DYNC2H1: variants seen among roughly 807,000 people sequenced by gnomAD.
DYNC2H1 encodes the protein cytoplasmic dynein 2 heavy chain 1.
In DYNC2H1, 410 loss-of-function variants were observed where a neutral mutation model predicts 570.0. That is an observed-to-expected ratio of 0.72 (90% CI 0.66 to 0.78). The LOEUF (loss-of-function observed/expected upper bound fraction) is 0.78, where lower values mean the gene tolerates loss of function less well. Ranked by LOEUF, DYNC2H1 falls within the 30% of genes least tolerant of loss-of-function variation. The pLI, the probability that DYNC2H1 is intolerant of heterozygous loss-of-function variation, is 0.00. For missense variants in DYNC2H1, 4,865 were observed against 5,046.4 expected, an observed-to-expected ratio of 0.96 and a Z score of 1.09; for synonymous variants, 1,688 against 1,677.6, an observed-to-expected ratio of 1.01 and a Z score of -0.15.
chr11:103,267,719 T>A (rs1194175218), intron 70 of DYNC2H1, among the ~76,000 whole-genome samples: 1 of 152,110 alleles, frequency 6.6e-6, no homozygotes, highest in Non-Finnish European at 1.5e-5. Context: ...TTTAACTATT[T>A]CCATCCCTTA....
chr11:103,442,969 CT>C (rs5794237), intron 85 of DYNC2H1, among the ~76,000 whole-genome samples: 39,474 of 142,904 alleles, frequency 0.28, 5,314 homozygotes, highest in East Asian at 0.45. Context: ...TTTATGAGCC[CT>C]TTTTTTTTTT....
chr11:103,419,549 A>C (rs1943407659), intron 84 of DYNC2H1, among the ~76,000 whole-genome samples: 1 of 151,824 alleles, frequency 6.6e-6, no homozygotes, highest in Admixed American at 6.6e-5. Context: ...AGCCTTGTGG[A>C]AGGGTGGCCT....
intron 79 of DYNC2H1, among the ~76,000 whole-genome samples, chr11:103,312,618 T>C (rs1322646842): frequency 6.7e-6 from 1 of 149,950 alleles, no homozygotes; most frequent in Non-Finnish European, 1.5e-5. Context: ...CATATTTACA[T>C]AGTAATTTGG....
chr11:103,123,187 C>T (rs1486468418), intron 11 of DYNC2H1, among the ~76,000 whole-genome samples, 187 bp downstream of exon 11: 2 of 152,074 alleles, frequency 1.3e-5, no homozygotes, highest in South Asian at 4.1e-4. Flanking sequence ...ATTTAGTTAA[C>T]TGCTTCCCTC....
Position 103,305,327 on chromosome 11 carries a change from A to G in DYNC2H1, c.11382+607A>G, listed in dbSNP as rs116927201. 3.1e-3 allele frequency among the ~76,000 whole-genome samples: 471 copies of G among 152,268 alleles called. 3 individuals carry two copies. Among genetic ancestry groups the G allele is most frequent in the Middle Eastern group, 6.8e-3 (2 of 294 alleles). On this transcript the variant is annotated intron_variant, in intron 77 of 88. Coordinates refer to ENST00000375735, the MANE Select transcript of DYNC2H1 (RefSeq NM_001377.3). This position sits in a 1 kb window ranked among gnomAD's most constrained non-coding sequence, Gnocchi z 4.3. ...GTATAGGCAAAGAAAGGATATCATG[A>G]TTTTAATTCCATCAGCACAAGTAGA...
At chr11:103,312,566 ACC>A (rs377009930) in intron 79 of DYNC2H1, among the ~76,000 whole-genome samples, 1,747 of 70,540 alleles carry the variant, frequency 0.025, 1 homozygote, top group East Asian at 0.039. Context: ...AAAAAAAAAA[ACC>A]AATTGTAATG....
intron 83 of DYNC2H1, among the ~76,000 whole-genome samples, chr11:103,397,015 G>A (rs1488116121): frequency 6.6e-6 from 1 of 152,096 alleles, no homozygotes; most frequent in East Asian, 1.9e-4. Flanking sequence ...CCTAAATAGT[G>A]CACATTGTAC....
At chr11:103,233,931 C>A (rs1269037104) in intron 60 of DYNC2H1, 103 bp from the exon 61 acceptor site, 2 of 1,025,958 alleles carry the variant, frequency 1.9e-6, no homozygotes, top group East Asian at 3.9e-5. Context: ...ATAGTATTAT[C>A]ATTAAATTAT....
rs1310190124 is a variant in DYNC2H1 at position 103,113,644 on chromosome 11, A to G, written c.303A>G (p.Leu101=). 1.3e-6 allele frequency: 2 copies of G among 1,577,284 alleles called. No homozygotes were observed. Among genetic ancestry groups the G allele is most frequent in the Non-Finnish European group, 1.7e-6 (2 of 1,167,344 alleles). ...ATAACATTCTTGTTTCATCTATGTT[A>G]GAGTCACCTATTAGTTCTCTTTACC... The part of the protein sequence containing the change: ...LHDNILVSSM[L]ESPISSLYQA... The change falls in exon 2 of 89, where the codon TTA becomes TTG. Residue 101 remains leucine (L), a synonymous_variant. Coordinates refer to ENST00000375735, the MANE Select transcript of DYNC2H1 (RefSeq NM_001377.3).
At chr11:103,421,932 T>C (rs1422102130) in intron 84 of DYNC2H1, among the ~76,000 whole-genome samples, 2 of 147,262 alleles carry the variant, frequency 1.4e-5, no homozygotes, top group African/African-American at 5.0e-5. Context: ...TATAACAAAA[T>C]AGACCACTAG....
intron 85 of DYNC2H1, among the ~76,000 whole-genome samples, chr11:103,441,804 A>C (rs1944279843): frequency 6.6e-6 from 1 of 152,128 alleles, no homozygotes; most frequent in Non-Finnish European, 1.5e-5. Context: ...ATTTTTCTTA[A>C]GATCTCAAAT....
intron 83 of DYNC2H1, among the ~76,000 whole-genome samples, chr11:103,373,996 A>G (rs988044171): frequency 2.6e-5 from 4 of 152,152 alleles, no homozygotes; most frequent in African/African-American, 9.7e-5. Flanking sequence ...TTTATATAAT[A>G]TGTTTATTCC....
In DYNC2H1 at chr11:103,153,375, CG is replaced by C. The variant is rs1860660389; in HGVS notation, c.3170del (p.Arg1057LeufsTer5). The C allele has an allele frequency of 6.5e-7, 1 of 1,549,954 alleles. No individual in the cohort carries two copies. Among genetic ancestry groups the C allele is most frequent in the East Asian group, 2.4e-5 (1 of 41,078 alleles). ...YYQELEKFKA[R>X]WDQLKPGDDV... ...TCAAGAACTGGAAAAATTTAAAGCTCGTTGGGACCAACTAAAGCCTGGTGAT... is the reference window on the plus strand; with the variant it reads ...TCAAGAACTGGAAAAATTTAAAGCTCTTGGGACCAACTAAAGCCTGGTGAT... On this transcript the variant is annotated frameshift_variant, in exon 22 of 89. Transcript: ENST00000375735. LOFTEE classifies it high-confidence loss of function.
At chr11:103,281,574 T>C (rs1209442711) in intron 71 of DYNC2H1, among the ~76,000 whole-genome samples, 1 of 151,940 alleles carries the variant, frequency 6.6e-6, no homozygotes, top group Non-Finnish European at 1.5e-5. Context: ...AATTTTCATA[T>C]ATTTTGCTTA....
At chr11:103,470,965 G>A (rs928217919) in intron 88 of DYNC2H1, among the ~76,000 whole-genome samples, 3 of 152,128 alleles carry the variant, frequency 2.0e-5, no homozygotes, top group East Asian at 1.9e-4. Context: ...GGTATTTCTA[G>A]TTCTAGATCC....
chr11:103,377,466 A>G (rs920848484), intron 83 of DYNC2H1, among the ~76,000 whole-genome samples: 12 of 152,228 alleles, frequency 7.9e-5, no homozygotes, highest in African/African-American at 1.2e-4. Context: ...AGATTAGACT[A>G]TCGTACATAA....
chr11:103,214,439 T>A (rs970218279), intron 54 of DYNC2H1, among the ~76,000 whole-genome samples: 3 of 64,364 alleles, frequency 4.7e-5, no homozygotes, highest in Admixed American at 4.4e-4. Flanking sequence ...TACTAGTACT[T>A]CTTCTTCTTT....
At chr11:103,183,157 G>A (rs1049001468) in intron 40 of DYNC2H1, among the ~76,000 whole-genome samples, 11 of 151,900 alleles carry the variant, frequency 7.2e-5, no homozygotes, top group African/African-American at 2.7e-4. Flanking sequence ...ATGATATTAA[G>A]TGATAGCAAA....
intron 69 of DYNC2H1, 149 bp from the exon 70 acceptor site, chr11:103,259,739 T>A (rs1483221009): frequency 4.0e-6 from 2 of 505,072 alleles, no homozygotes; most frequent in African/African-American, 4.0e-5. Flanking sequence ...TATATTAGTA[T>A]ACAAGTTTAA....
Sources: gnomAD v4.1 joint callset for allele counts (sites outside exome capture counted in the v4.1 genomes callset) on GRCh38, gnomAD v4.1.1 for gene constraint, Gnocchi (gnomAD v3.1) non-coding constraint, MANE v1.5 for transcripts, NCBI Gene and HGNC (gene_info 2026-07-23, HGNC 2026-07-21) for gene names.